The following PTCRA variants were observed in gnomAD, a reference collection of about 807,000 sequenced individuals.
The protein encoded by PTCRA is pre T-cell antigen receptor alpha.
Under a neutral mutation model 13.4 loss-of-function variants are expected in PTCRA, and 9 were observed. The ratio of observed to expected loss-of-function variants is 0.67; its 90% CI spans 0.41 to 1.18. PTCRA has a LOEUF of 1.18. PTCRA is among the 50% of genes most tolerant of loss of function. PTCRA has a pLI of 0.01. For missense variants in PTCRA, 353 were observed against 359.8 expected (o/e 0.98, Z 0.15); for synonymous variants, 153 against 161.9 (o/e 0.94, Z 0.42).
chr6:42,924,512 A>G, intron 3 of PTCRA: 1 of 576,484 alleles, frequency 1.7e-6, no homozygotes, highest in Non-Finnish European at 3.1e-6. Context: ...TGAGAAGCAC[A>G]GGTGACAGCT....
rs376897338 is a variant in PTCRA at position 42,925,363 on chromosome 6, C to T, written c.527C>T (p.Ala176Val). Reference protein sequence around the residue: ...LLTCSCLCDPAGPLPSPATTT... With the variant: ...LLTCSCLCDPVGPLPSPATTT... ...ACCTGCAGCTGCCTGTGCGACCCCG[C>T]GGGCCCGCTGCCTTCCCCCGCAACC... Residue 176 changes from alanine (A) to valine (V), a missense_variant, in exon 4 of 4, where the codon GCG becomes GTG. Ala to Val is a moderately conservative substitution (Grantham distance 64). Coordinates refer to ENST00000304672, the MANE Select transcript of PTCRA (RefSeq NM_138296.3). The surrounding 1 kb of genome is among the most constrained non-coding windows in gnomAD (Gnocchi z 4.4). 5.1e-6 allele frequency: 8 copies of T among 1,558,216 alleles called. No individual in the cohort carries two copies. The highest frequency in any genetic ancestry group is 1.8e-4 in the Middle Eastern group (1 of 5,610).
Position 42,919,587 on chromosome 6 carries a change from C to T in PTCRA, c.59-3440C>T, listed in dbSNP as rs1767044765. The stretch of plus-strand genomic sequence containing the variant: ...AATAAATTAGCCAGGTATGGTGGCA[C>T]GTGCCTGTAGTCCCTGCTACTGGGA... On this transcript the variant is annotated intron_variant, in intron 1 of 3. Transcript: ENST00000304672. Among the ~76,000 whole-genome samples, 4 of 150,176 alleles carry T rather than the reference C, an allele frequency of 2.7e-5. No individual in the cohort carries two copies. In the South Asian group the frequency reaches 8.5e-4, roughly 32 times the overall value.
intron 1 of PTCRA, among the ~76,000 whole-genome samples, chr6:42,920,858 C>T (rs1446574757): frequency 6.7e-6 from 1 of 148,476 alleles, no homozygotes; most frequent in Non-Finnish European, 1.5e-5. Context: ...AGTGCAGTGA[C>T]GCGATCTCAG....
chr6:42,924,452 A>T, intron 3 of PTCRA, 179 bp downstream of exon 3: 1 of 662,002 alleles, frequency 1.5e-6, no homozygotes. Flanking sequence ...TCTACCTAGC[A>T]TAAGATGGGG....
intron 1 of PTCRA, among the ~76,000 whole-genome samples, chr6:42,917,883 C>T (rs563938142): frequency 6.6e-6 from 1 of 151,698 alleles, no homozygotes; most frequent in Admixed American, 6.6e-5. Flanking sequence ...CATTGGGACT[C>T]ACAAAAAATA....
chr6:42,923,423 A>G (rs2235835), intron 2 of PTCRA, 76 bp downstream of exon 2: 80,541 of 1,413,706 alleles, frequency 0.057, 2,884 homozygotes, highest in East Asian at 0.13. Flanking sequence ...GAGGGAGGGC[A>G]GGCTCCAGGC....
intron 2 of PTCRA, among the ~76,000 whole-genome samples, chr6:42,923,821 C>G (rs1371467824): frequency 6.6e-6 from 1 of 152,288 alleles, no homozygotes; most frequent in East Asian, 1.9e-4. Context: ...TTTGTTTCCC[C>G]CTCCATTGTA....
In PTCRA at chr6:42,923,275, G is replaced by A. The variant is rs1339137742; in HGVS notation, c.307G>A (p.Glu103Lys). Residue 103 changes from glutamate to lysine, a missense_variant, in exon 2 of 4, where the codon GAG becomes AAG. Physicochemically the swap from Glu to Lys is moderately conservative, Grantham distance 56. Coordinates refer to ENST00000304672, the MANE Select transcript of PTCRA (RefSeq NM_138296.3). ...SLPSEELASW[E>K]PLVCHTGPGA... ...GCCTTCTGAGGAGCTGGCATCCTGGGAGCCTTTGGTCTGCCACACTGGGCC... is the reference window on the plus strand; with the variant it reads ...GCCTTCTGAGGAGCTGGCATCCTGGAAGCCTTTGGTCTGCCACACTGGGCC... The A allele has an allele frequency of 6.2e-7, 1 of 1,614,216 alleles. No individual in the cohort carries two copies. Among genetic ancestry groups the A allele is most frequent in the Non-Finnish European group, 8.5e-7 (1 of 1,180,030 alleles).
chr6:42,918,923 G>A (rs1441556312), intron 1 of PTCRA, among the ~76,000 whole-genome samples: 1 of 151,738 alleles, frequency 6.6e-6, no homozygotes, highest in African/African-American at 2.4e-5. Context: ...CCGAGTAGCT[G>A]GGACTACAGG....
intron 1 of PTCRA, among the ~76,000 whole-genome samples, chr6:42,920,847 G>A (rs1215283892): frequency 1.3e-5 from 2 of 150,294 alleles, no homozygotes; most frequent in African/African-American, 2.5e-5. Flanking sequence ...ACCCAGGCTG[G>A]AGTGCAGTGA....
At chr6:42,920,542 A>T (rs1767102806) in intron 1 of PTCRA, among the ~76,000 whole-genome samples, 1 of 148,738 alleles carries the variant, frequency 6.7e-6, no homozygotes, top group Non-Finnish European at 1.5e-5. Context: ...CTCCTGCCTC[A>T]GCCTCCCGAG....
chr6:42,917,567 A>ATTATTATT (rs1766938430), intron 1 of PTCRA, among the ~76,000 whole-genome samples: 1 of 143,916 alleles, frequency 6.9e-6, no homozygotes, highest in African/African-American at 2.7e-5. Flanking sequence ...TATTATTATT[A>ATTATTATT]TTAGACAGAG....
At chr6:42,922,193 G>A in intron 1 of PTCRA, 1 of 698,232 alleles carries the variant, frequency 1.4e-6, no homozygotes, top group Non-Finnish European at 2.6e-6. Context: ...AGATATATTT[G>A]AAGCCCCTTC....
chr6:42,922,155 AC>A (rs1197288184), intron 1 of PTCRA: 1 of 688,024 alleles, frequency 1.5e-6, no homozygotes, highest in African/African-American at 1.8e-5. Flanking sequence ...TTTAAATCAG[AC>A]TTTTAAAAAA....
At chr6:42,917,081 T>C (rs16896161) in intron 1 of PTCRA, among the ~76,000 whole-genome samples, 6,364 of 152,144 alleles carry the variant, frequency 0.042, 406 homozygotes, top group African/African-American at 0.14. Flanking sequence ...CAATGCCTTA[T>C]TAATATTAAT....
At chr6:42,921,543 A>G (rs1244624948) in intron 1 of PTCRA, among the ~76,000 whole-genome samples, 5 of 138,308 alleles carry the variant, frequency 3.6e-5, no homozygotes, top group African/African-American at 1.4e-4. Context: ...GCAGCCTCCC[A>G]AGTAGCTGGG....
At chr6:42,922,978 G>C (rs771433723) in intron 1 of PTCRA, 49 bp from the exon 2 acceptor site, 1 of 1,554,456 alleles carries the variant, frequency 6.4e-7, no homozygotes, top group Non-Finnish European at 8.9e-7. Flanking sequence ...ATGCTGGCCT[G>C]GGAGGCCAAA....
chr6:42,917,982 G>A (rs552478997), intron 1 of PTCRA, among the ~76,000 whole-genome samples: 2 of 152,250 alleles, frequency 1.3e-5, no homozygotes, highest in East Asian at 1.9e-4. Context: ...TTGGCTGGGC[G>A]CGGTGGCTTA....
rs771396393 is a variant in PTCRA, at chr6:42,916,117, C to T, written c.48C>T (p.Ala16=). The change falls in exon 1 of 4, where the codon GCC becomes GCT. Residue 16 remains alanine, a synonymous_variant. Transcript: ENST00000304672. ...TTCTCCTGGCCCTTGGGTGTCCAGC[C>T]CTACCCACAGGTGAGCCCCCTCTTT... is the stretch of plus-strand genomic sequence containing the variant. ...LLLLLALGCP[A]LPTGVGGTPF... The T allele has an allele frequency of 6.2e-7, 1 of 1,613,908 alleles. No individual in the cohort carries two copies. The highest frequency in any genetic ancestry group is 1.3e-5 in the African/African-American group (1 of 74,920).
Sources: allele counts gnomAD v4.1 joint callset (sites outside exome capture counted in the v4.1 genomes callset), GRCh38; gene constraint gnomAD v4.1.1; non-coding constraint Gnocchi (gnomAD v3.1); transcripts MANE v1.5; gene names NCBI Gene and HGNC (gene_info 2026-07-23, HGNC 2026-07-21).